The following TMEM161B variants were observed in gnomAD, a reference collection of about 807,000 sequenced individuals.
TMEM161B encodes transmembrane protein 161B.
Under a neutral mutation model 61.8 loss-of-function variants are expected in TMEM161B, and 34 were observed. The observed-to-expected ratio is 0.55, with a 90% CI of 0.42 to 0.73. TMEM161B has a LOEUF of 0.73. Ranked by LOEUF, TMEM161B falls within the 30% of genes least tolerant of loss-of-function variation. The pLI is 0.00. For synonymous variants in TMEM161B, 167 were observed against 192.8 expected (o/e 0.87, Z 1.11); for missense variants, 456 against 558.5 (o/e 0.82, Z 1.85).
chr5:88,261,614 T>G (rs1408531532), intron 1 of TMEM161B, among the ~76,000 whole-genome samples: 1 of 140,336 alleles, frequency 7.1e-6, no homozygotes, highest in Non-Finnish European at 1.5e-5. Context: ...GGGCCAGAAA[T>G]AGACCCACAT....
In TMEM161B at chr5:88,268,794, G is replaced by A. The variant is rs955109640; in HGVS notation, c.-71C>T. 7.4e-6 allele frequency: 12 copies of A among 1,611,434 alleles called. No homozygotes were observed. The highest frequency in any genetic ancestry group is 1.3e-5 in the African/African-American group (1 of 74,794). The stretch of plus-strand genomic sequence containing the variant: ...GCAGTCCCAAACCTCTTACCTCCCG[G>A]TCCTTGAGCCGAGAGACTCTCAAAC... On this transcript the variant is annotated 5_prime_UTR_variant, in exon 1 of 12. Coordinates refer to ENST00000296595, the MANE Select transcript of TMEM161B (RefSeq NM_153354.5).
At chr5:88,251,987 T>A (rs182364648) in intron 1 of TMEM161B, among the ~76,000 whole-genome samples, 1 of 152,164 alleles carries the variant, frequency 6.6e-6, no homozygotes, top group Non-Finnish European at 1.5e-5. Flanking sequence ...ATAAAAGAAT[T>A]TGTCTTAACA....
At chr5:88,268,231 T>C (rs1050489372) in intron 1 of TMEM161B, among the ~76,000 whole-genome samples, 1 of 152,148 alleles carries the variant, frequency 6.6e-6, no homozygotes, top group Non-Finnish European at 1.5e-5. Context: ...AATTATGAAA[T>C]GGCTAAGTGT....
intron 4 of TMEM161B, among the ~76,000 whole-genome samples, chr5:88,224,965 G>GTTTTTTTTTTTTT (rs1008381182): frequency 7.6e-6 from 1 of 131,108 alleles, no homozygotes; most frequent in Non-Finnish European, 1.6e-5. Context: ...ATATGTTTTT[G>GTTTTTTTTTTTTT]TTTTTTTTTT....
chr5:88,187,641 T>C (rs984937538), downstream of TMEM161B, among the ~76,000 whole-genome samples: 1 of 152,188 alleles, frequency 6.6e-6, no homozygotes, highest in Non-Finnish European at 1.5e-5. Flanking sequence ...TAAATGTCTG[T>C]AGTCATCTCA....
chr5:88,191,820 G>A (rs1201153598), downstream of TMEM161B, among the ~76,000 whole-genome samples: 4 of 150,794 alleles, frequency 2.7e-5, no homozygotes, highest in African/African-American at 9.8e-5. Context: ...AGCTGGTCAT[G>A]GTGGCGGGCG....
At chr5:88,228,215 A>G (rs927435543) in intron 3 of TMEM161B, among the ~76,000 whole-genome samples, 1 of 152,156 alleles carries the variant, frequency 6.6e-6, no homozygotes, top group Non-Finnish European at 1.5e-5. Context: ...TTTCTTTAGT[A>G]TGATGGCTAT....
intron 9 of TMEM161B, chr5:88,201,954 G>A (rs1018197405): frequency 1.0e-5 from 3 of 288,470 alleles, no homozygotes; most frequent in African/African-American, 6.6e-5. Context: ...AATACAAAAG[G>A]TACACTGCGG....
downstream of TMEM161B, among the ~76,000 whole-genome samples, chr5:88,194,589 G>C (rs1749325106): frequency 6.6e-6 from 1 of 152,052 alleles, no homozygotes; most frequent in South Asian, 2.1e-4. Context: ...CATAGGACTG[G>C]AAGTAATTTA....
At position 88,195,980 on chromosome 5, in the gene TMEM161B, G is replaced by A; in HGVS notation, c.*231C>T. 1.6e-6 allele frequency: 2 copies of A among 1,280,452 alleles called. No individual in the cohort carries two copies. The highest frequency in any genetic ancestry group is 2.0e-6 in the Non-Finnish European group (2 of 1,014,096). 79.3% of individuals were successfully genotyped at this position (1,280,452 alleles called of 1,614,324 possible). On this transcript the variant is annotated 3_prime_UTR_variant, in exon 12 of 12. Transcript: ENST00000296595. ...GCCCTCTCATACCAGTAAATACAAA[G>A]AGTTAAAATTCCAATGCCACAGTGT... is the stretch of plus-strand genomic sequence containing the variant.
intron 10 of TMEM161B, 126 bp from the exon 11 acceptor site, chr5:88,197,891 C>T (rs988606390): frequency 9.3e-6 from 7 of 751,818 alleles, no homozygotes; most frequent in Non-Finnish European, 1.2e-5. Context: ...AGCTAAATGT[C>T]AGTAAGTTGT....
In TMEM161B at chr5:88,197,755, AC is replaced by A; in HGVS notation, c.1099del (p.Val367SerfsTer17). 1 of 1,612,028 alleles carries A rather than the reference AC, an allele frequency of 6.2e-7. No homozygotes were observed. The highest frequency in any genetic ancestry group is 8.5e-7 in the Non-Finnish European group (1 of 1,178,824). On this transcript the variant is annotated frameshift_variant, in exon 11 of 12. Coordinates refer to ENST00000296595, the MANE Select transcript of TMEM161B (RefSeq NM_153354.5). LOFTEE classifies it high-confidence loss of function. ...TGCAATGACACAAAGATAATAAAAGACTCGAGCCACCTGCAACCAACAACAT... is the reference window on the plus strand; with the variant it reads ...TGCAATGACACAAAGATAATAAAAGATCGAGCCACCTGCAACCAACAACAT... ...TVELQKMVAR[V>X]FYYLCVIALQ...
chr5:88,254,203 A>G (rs1209859109), intron 1 of TMEM161B, among the ~76,000 whole-genome samples: 1 of 152,150 alleles, frequency 6.6e-6, no homozygotes, highest in African/African-American at 2.4e-5. Flanking sequence ...ATAGGTATGG[A>G]GATGTATTAA....
intron 5 of TMEM161B, among the ~76,000 whole-genome samples, chr5:88,214,724 C>G (rs1242456061): frequency 6.6e-6 from 1 of 152,152 alleles, no homozygotes; most frequent in Non-Finnish European, 1.5e-5. Context: ...TAACATGTAA[C>G]TTGGCATAAA....
chr5:88,222,294 C>T (rs1749146682), intron 4 of TMEM161B, among the ~76,000 whole-genome samples: 1 of 152,094 alleles, frequency 6.6e-6, no homozygotes, highest in African/African-American at 2.4e-5. Flanking sequence ...GTCTCAAACT[C>T]CTGGGCTCAA....
rs564368473 is a variant in TMEM161B at position 88,202,663 on chromosome 5, T to C, written c.914+299A>G. 14 of 325,642 alleles carry C rather than the reference T, an allele frequency of 4.3e-5. No homozygotes were observed. In the South Asian group the frequency reaches 4.7e-4, roughly 11 times the overall value. 20.2% of individuals were successfully genotyped at this position (325,642 alleles called of 1,614,324 possible). On this transcript the variant is annotated intron_variant, in intron 9 of 11. Coordinates refer to ENST00000296595, the MANE Select transcript of TMEM161B (RefSeq NM_153354.5). The stretch of plus-strand genomic sequence containing the variant: ...AAACAAAAGAACTCCAGAAGGTATC[T>C]GAACAATAGCCACAATGACAACAGA...
At position 88,247,538 on chromosome 5, in the gene TMEM161B, C is replaced by A. The variant is rs140913360; in HGVS notation, c.4-6622G>T. On this transcript the variant is annotated intron_variant, in intron 1 of 11. Transcript: ENST00000296595. Reference sequence around the variant, plus strand: ...AAAGAGGATATTATATCCCAATGACCTTCCTATTCATTTGTTTCTTGACTG... The same window carrying A: ...AAAGAGGATATTATATCCCAATGACATTCCTATTCATTTGTTTCTTGACTG... 2.0e-4 allele frequency among the ~76,000 whole-genome samples: 31 copies of A among 152,116 alleles called. No homozygotes were observed. The East Asian group carries it at 5.8e-3, about 29-fold the overall frequency.
downstream of TMEM161B, among the ~76,000 whole-genome samples, chr5:88,194,743 A>C (rs1251306382): frequency 6.6e-6 from 1 of 152,148 alleles, no homozygotes. Context: ...AGTTATTCCA[A>C]AAGAAGAGTT....
chr5:88,263,568 A>G (rs1225375261), intron 1 of TMEM161B, among the ~76,000 whole-genome samples: 1 of 152,188 alleles, frequency 6.6e-6, no homozygotes, highest in Non-Finnish European at 1.5e-5. Context: ...GTTTACACTT[A>G]AGTTTATTTC....
Sources: allele counts gnomAD v4.1 joint callset (sites outside exome capture counted in the v4.1 genomes callset), GRCh38; gene constraint gnomAD v4.1.1; transcripts MANE v1.5; gene names NCBI Gene and HGNC (gene_info 2026-07-23, HGNC 2026-07-21).